Variants in KAZN observed in about 807,000 individuals in gnomAD.
The protein encoded by KAZN is kazrin.
A neutral mutation model predicts 87.4 loss-of-function variants in KAZN; 40 were observed. That is an observed-to-expected ratio of 0.46 (90% CI 0.36 to 0.60). The LOEUF (loss-of-function observed/expected upper bound fraction) is 0.60, where lower values mean the gene tolerates loss of function less well. Among genes scored for constraint, KAZN ranks in the 20% least tolerant of loss-of-function variants. KAZN has a pLI of 0.00. For synonymous variants in KAZN, 466 were observed against 458.3 expected (o/e 1.02, Z -0.22); for missense variants, 898 against 1,073.9 (o/e 0.84, Z 2.29).
chr1:14,283,524 T>C (rs1018876625), intron 2 of KAZN, among the ~76,000 whole-genome samples: 1 of 152,100 alleles, frequency 6.6e-6, no homozygotes, highest in African/African-American at 2.4e-5. Context: ...GAAATGAAAA[T>C]CAGCACCACA....
Position 14,978,295 on chromosome 1 carries a change from G to T in KAZN, c.418+17420G>T, listed in dbSNP as rs150016824. ...TCGAGCTGCCAAAGACAGTGGATGT[G>T]GTTTGGGAGCAACACTCTTAAGCCA... On this transcript the variant is annotated intron_variant, in intron 2 of 14. Coordinates refer to ENST00000376030, the MANE Select transcript of KAZN (RefSeq NM_201628.3). 5.5e-3 allele frequency among the ~76,000 whole-genome samples: 830 copies of T among 152,288 alleles called. 5 individuals carry two copies. The highest frequency in any genetic ancestry group is 0.019 in the African/African-American group (792 of 41,558).
intron 1 of KAZN, among the ~76,000 whole-genome samples, chr1:13,965,985 G>A (rs545848433): frequency 1.4e-3 from 217 of 152,252 alleles, no homozygotes; most frequent in South Asian, 4.1e-3. Flanking sequence ...GAGCCCAGGA[G>A]GGGGAGGCAG....
intron 2 of KAZN, among the ~76,000 whole-genome samples, chr1:14,318,274 T>C (rs983140885): frequency 6.6e-6 from 1 of 152,126 alleles, no homozygotes; most frequent in Non-Finnish European, 1.5e-5. Context: ...AAGTTTTGTA[T>C]GTCTAGAAAA....
intron 1 of KAZN, among the ~76,000 whole-genome samples, chr1:14,756,363 C>T (rs1644565904): frequency 6.6e-6 from 1 of 152,170 alleles, no homozygotes; most frequent in African/African-American, 2.4e-5. Flanking sequence ...TCTGGAAAGC[C>T]AGCTCTAGTC....
At chr1:13,958,296 T>G (rs867556587) in intron 1 of KAZN, among the ~76,000 whole-genome samples, 3 of 152,072 alleles carry the variant, frequency 2.0e-5, no homozygotes, top group African/African-American at 7.2e-5. Context: ...ATTGGCTGGG[T>G]GCGGTGGCTC....
chr1:13,948,510 C>T (rs187824088), intron 1 of KAZN, among the ~76,000 whole-genome samples: 3 of 152,116 alleles, frequency 2.0e-5, no homozygotes, highest in Admixed American at 6.6e-5. Context: ...AACCTCTTTT[C>T]GGTGTAAATT....
intron 1 of KAZN, among the ~76,000 whole-genome samples, chr1:14,737,048 G>A (rs1232635272): frequency 6.6e-6 from 1 of 152,196 alleles, no homozygotes; most frequent in Non-Finnish European, 1.5e-5. Flanking sequence ...CAGGAAGGTG[G>A]CAAGAGGGAA....
Position 13,981,147 on chromosome 1 carries a change from T to A in KAZN, c.91+87391T>A, listed in dbSNP as rs962146354. Among the ~76,000 whole-genome samples the A allele has an allele frequency of 1.8e-3, 97 of 53,280 alleles. 1 individual carries two copies. Among genetic ancestry groups the A allele is most frequent in the Admixed American group, 0.01 (43 of 4,144 alleles). 35.0% of individuals were successfully genotyped at this position (53,280 alleles called of 152,430 possible). A position where few individuals can be genotyped will look rare whatever the true frequency, so the allele number is the denominator to read the frequency against. On this transcript the variant is annotated intron_variant, in intron 1 of 16. Transcript: ENST00000636203. Reference sequence around the variant, plus strand: ...CACAGATTATATATAGTACAAGTAATACATATGTGGAATTAAACTATCATG... The same window carrying A: ...CACAGATTATATATAGTACAAGTAAAACATATGTGGAATTAAACTATCATG...
chr1:14,549,613 CTTTTT>C (rs5772587), intron 2 of KAZN, among the ~76,000 whole-genome samples: 1 of 135,202 alleles, frequency 7.4e-6, no homozygotes, highest in Non-Finnish European at 1.6e-5. Flanking sequence ...CAGGCAACCC[CTTTTT>C]TTTTTTTTTT....
upstream of KAZN, among the ~76,000 whole-genome samples, chr1:14,596,924 GATATTTGTTTTGGAC>G (rs1487843193): frequency 6.6e-6 from 1 of 152,198 alleles, no homozygotes; most frequent in African/African-American, 2.4e-5. Context: ...TTTTTGTTTG[GATATTTGTTTTGGAC>G]ATATACCTAG....
At chr1:14,768,329 C>T (rs1356345226) in intron 1 of KAZN, among the ~76,000 whole-genome samples, 6 of 152,192 alleles carry the variant, frequency 3.9e-5, no homozygotes, top group African/African-American at 1.4e-4. Context: ...AGCCAGGCAT[C>T]TCATGTGCCA....
At position 14,476,203 on chromosome 1, in the gene KAZN, G is replaced by A. The variant is rs1668715045; in HGVS notation, c.250-122780G>A. ...TAGGCTGCTCCTTGGTTGGTTGGTTGGCATCAAGCCATTTCTCAGCATTAT... is the reference window on the plus strand; with the variant it reads ...TAGGCTGCTCCTTGGTTGGTTGGTTAGCATCAAGCCATTTCTCAGCATTAT... On this transcript the variant is annotated intron_variant, in intron 2 of 16. Transcript: ENST00000636203. 1.3e-5 allele frequency among the ~76,000 whole-genome samples: 2 copies of A among 152,102 alleles called. 1 individual carries two copies. The highest frequency in any genetic ancestry group is 4.1e-4 in the South Asian group (2 of 4,826).
chr1:14,474,805 T>C (rs964367095), intron 2 of KAZN, among the ~76,000 whole-genome samples: 3 of 152,150 alleles, frequency 2.0e-5, no homozygotes, highest in Non-Finnish European at 4.4e-5. Flanking sequence ...GGTTTTAGCA[T>C]TGACAATGAA....
intron 1 of KAZN, among the ~76,000 whole-genome samples, chr1:14,051,094 G>A (rs1015432153): frequency 2.0e-5 from 3 of 152,122 alleles, no homozygotes; most frequent in Non-Finnish European, 4.4e-5. Context: ...TTATAGCCAA[G>A]GATTGAAGGG....
At chr1:14,736,254 G>GGGGGGTGT (rs780407996) in intron 1 of KAZN, among the ~76,000 whole-genome samples, 4 of 115,312 alleles carry the variant, frequency 3.5e-5, no homozygotes, top group South Asian at 3.2e-4. Context: ...GGGACTCAAG[G>GGGGGGTGT]GTGTGTGTGT....
In KAZN at chr1:15,066,486, G is replaced by T; in HGVS notation, c.1222+733G>T. ...GGCCAAGGGGCCTTGTCTTGGCTGG[G>T]TTTGTCAGAGGTCAAACCGGCTCTT... On this transcript the variant is annotated intron_variant, in intron 8 of 14. Transcript: ENST00000376030. This position sits in a 1 kb window ranked among gnomAD's most constrained non-coding sequence, Gnocchi z 4.3. 1.0e-6 allele frequency: 1 copy of T among 985,308 alleles called. No individual in the cohort carries two copies. The highest frequency in any genetic ancestry group is 1.1e-4 in the East Asian group (1 of 8,800). 61.0% of individuals were successfully genotyped at this position (985,308 alleles called of 1,614,324 possible). A position where few individuals can be genotyped will look rare whatever the true frequency, so the allele number is the denominator to read the frequency against.
At chr1:14,804,097 G>T (rs1646127798) in intron 1 of KAZN, among the ~76,000 whole-genome samples, 1 of 152,156 alleles carries the variant, frequency 6.6e-6, no homozygotes, top group African/African-American at 2.4e-5. Context: ...CTAGCTCCAG[G>T]GCTCACAAAT....
chr1:14,907,412 A>G (rs1046499880), intron 1 of KAZN, among the ~76,000 whole-genome samples: 1 of 151,792 alleles, frequency 6.6e-6, no homozygotes, highest in Non-Finnish European at 1.5e-5. Flanking sequence ...AAAAAAAAAA[A>G]AAAAACAAAA....
chr1:14,625,704 CT>C (rs1430306693), intron 1 of KAZN, among the ~76,000 whole-genome samples: 3 of 152,330 alleles, frequency 2.0e-5, no homozygotes, highest in South Asian at 2.1e-4. Flanking sequence ...TTTCAAAAGT[CT>C]CTCGATTCAG....
Sources: allele counts gnomAD v4.1 joint callset (sites outside exome capture counted in the v4.1 genomes callset), GRCh38; gene constraint gnomAD v4.1.1; non-coding constraint Gnocchi (gnomAD v3.1); transcripts MANE v1.5; gene names NCBI Gene and HGNC (gene_info 2026-07-23, HGNC 2026-07-21).